PNLIPRP3: variants seen among roughly 807,000 people sequenced by gnomAD.
The protein encoded by PNLIPRP3 is pancreatic lipase-related protein 3.
A neutral mutation model predicts 52.8 loss-of-function variants in PNLIPRP3; 58 were observed. The observed-to-expected ratio is 1.10, with a 90% CI of 0.89 to 1.37. The LOEUF (loss-of-function observed/expected upper bound fraction) is 1.37, where lower values mean the gene tolerates loss of function less well. Ranked by LOEUF, PNLIPRP3 falls within the 40% of genes most tolerant of loss-of-function variation. The pLI is 0.00. For missense variants in PNLIPRP3, 593 were observed against 561.6 expected (o/e 1.06, Z -0.57); for synonymous variants, 192 against 185.0 (o/e 1.04, Z -0.31).
chr10:116,471,328 T>C (rs1419018789), intron 9 of PNLIPRP3, among the ~76,000 whole-genome samples: 1 of 152,178 alleles, frequency 6.6e-6, no homozygotes, highest in Admixed American at 6.5e-5. Flanking sequence ...TAAATGATTA[T>C]AAAAGCATAC....
chr10:116,455,838 T>C lies in PNLIPRP3; in HGVS notation c.565+8T>C, dbSNP rs1268819714. 1.2e-6 allele frequency: 2 copies of C among 1,600,038 alleles called. No individual in the cohort carries two copies. Among genetic ancestry groups the C allele is most frequent in the East Asian group, 2.2e-5 (1 of 44,842 alleles). On this transcript the variant is annotated splice_region_variant and intron_variant, in intron 5 of 11. Transcript: ENST00000369230. ...GCCTTGGAAGAATAACTGGTAAGCA[T>C]GCCCTGCAGTTGGGCCTTGAGTGTG...
chr10:116,472,407 T>G (rs897269768), intron 10 of PNLIPRP3, among the ~76,000 whole-genome samples: 33 of 152,352 alleles, frequency 2.2e-4, no homozygotes, highest in African/African-American at 7.5e-4. Context: ...ATCTTTTATT[T>G]GTTCAGCCTT....
At chr10:116,455,611 T>C (rs1219451386) in intron 4 of PNLIPRP3, 111 bp from the exon 5 acceptor site, 2 of 749,016 alleles carry the variant, frequency 2.7e-6, no homozygotes, top group East Asian at 2.7e-5. Context: ...CCCTGTCTTA[T>C]GTGCAAAAGG....
chr10:116,456,802 C>G (rs1382457363), intron 5 of PNLIPRP3, among the ~76,000 whole-genome samples: 5 of 152,212 alleles, frequency 3.3e-5, no homozygotes, highest in Admixed American at 3.3e-4. Context: ...AGTAAGCAAG[C>G]CCCACGTCTC....
chr10:116,465,603 A>G (rs1846268821), intron 7 of PNLIPRP3, among the ~76,000 whole-genome samples: 1 of 152,174 alleles, frequency 6.6e-6, no homozygotes, highest in Non-Finnish European at 1.5e-5. Flanking sequence ...AACGTTGTTC[A>G]GGAAAGACCA....
At chr10:116,445,510 G>T (rs1020144096) in intron 4 of PNLIPRP3, among the ~76,000 whole-genome samples, 1 of 150,806 alleles carries the variant, frequency 6.6e-6, no homozygotes, top group Non-Finnish European at 1.5e-5. Flanking sequence ...GATCTTTAGA[G>T]AAAGTCTTTG....
chr10:116,470,806 C>T (rs939444590), intron 9 of PNLIPRP3, among the ~76,000 whole-genome samples: 3 of 152,164 alleles, frequency 2.0e-5, no homozygotes, highest in African/African-American at 7.2e-5. Flanking sequence ...CCGAGCCCGG[C>T]CCACACCAAA....
At chr10:116,458,022 C>A (rs1243851291) in intron 5 of PNLIPRP3, among the ~76,000 whole-genome samples, 4 of 151,972 alleles carry the variant, frequency 2.6e-5, no homozygotes, top group Non-Finnish European at 5.9e-5. Context: ...CAGATTTTAG[C>A]TGTATAATTA....
chr10:116,466,059 C>A lies in PNLIPRP3; in HGVS notation c.818C>A (p.Ser273Tyr), dbSNP rs144087426. Reference sequence around the variant, plus strand: ...GGAATTGTTTTCACAGAAATGGCTTCCTTCTTTGACTGTAACCATGCCCGA... The same window carrying A: ...GGAATTGTTTTCACAGAAATGGCTTACTTCTTTGACTGTAACCATGCCCGA... The part of the protein sequence containing the change: ...NFNAYKKEMA[S>Y]FFDCNHARSY... The change falls in exon 8 of 12, where the codon TCC becomes TAC. Residue 273 changes from serine to tyrosine, a missense_variant. Coordinates refer to ENST00000369230, the MANE Select transcript of PNLIPRP3 (RefSeq NM_001011709.3). The A allele has an allele frequency of 2.1e-3, 3,393 of 1,612,212 alleles. 4 individuals are homozygous for A. The highest frequency in any genetic ancestry group is 6.3e-3 in the Middle Eastern group (38 of 6,056).
rs1357602674 is a variant in PNLIPRP3, at chr10:116,444,449, T to C, written c.392T>C (p.Ile131Thr). ...TGGATCAACGGTTCACGGGAATACA[T>C]CCATGCTGTAAACAATCTCCGTGTT... ...LDWINGSREYIHAVNNLRVVG... is the reference protein window; with the variant it reads ...LDWINGSREYTHAVNNLRVVG... The change falls in exon 4 of 12, where the codon ATC (isoleucine) becomes ACC (threonine). Residue 131 changes from isoleucine (I) to threonine (T), a missense_variant. Transcript: ENST00000369230. 3.1e-6 allele frequency: 5 copies of C among 1,613,330 alleles called. No homozygotes were observed. The highest frequency in any genetic ancestry group is 8.5e-7 in the Non-Finnish European group (1 of 1,179,412).
At chr10:116,456,657 A>G (rs1846118774) in intron 5 of PNLIPRP3, among the ~76,000 whole-genome samples, 1 of 152,190 alleles carries the variant, frequency 6.6e-6, no homozygotes, top group Admixed American at 6.5e-5. Flanking sequence ...GTTTGGGGGT[A>G]TAATAATTAA....
At chr10:116,436,302 A>G (rs749339389) in intron 1 of PNLIPRP3, among the ~76,000 whole-genome samples, 2 of 152,230 alleles carry the variant, frequency 1.3e-5, no homozygotes, top group Non-Finnish European at 2.9e-5. Context: ...TCCACATACA[A>G]AAGAATGAAA....
chr10:116,431,768 T>G (rs1589973465), intron 1 of PNLIPRP3, among the ~76,000 whole-genome samples: 1 of 152,268 alleles, frequency 6.6e-6, no homozygotes, highest in South Asian at 2.1e-4. Flanking sequence ...GAGCTATGTC[T>G]TCTCCCTGTC....
At chr10:116,475,326 T>C (rs1846446031) in intron 10 of PNLIPRP3, among the ~76,000 whole-genome samples, 1 of 152,150 alleles carries the variant, frequency 6.6e-6, no homozygotes, top group Non-Finnish European at 1.5e-5. Context: ...GAAAAATAAC[T>C]AATGGGTACT....
In PNLIPRP3 at chr10:116,461,060, T is replaced by A. The variant is rs774605588; in HGVS notation, c.660T>A (p.Asn220Lys). ...DANFVDVIHT[N>K]AARILFELGV... The stretch of plus-strand genomic sequence containing the variant: ...ACTTTGTTGACGTTATTCATACAAA[T>A]GCAGCTCGCATCCTCTTTGAGCTTG... Residue 220 changes from asparagine to lysine, a missense_variant, in exon 6 of 12, where the codon AAT (asparagine) becomes AAA (lysine). Physicochemically the swap from Asn to Lys is moderately conservative, Grantham distance 94 (BLOSUM62 0). Transcript: ENST00000369230. 3.8e-5 allele frequency: 61 copies of A among 1,614,098 alleles called. No individual in the cohort carries two copies. Among genetic ancestry groups the A allele is most frequent in the East Asian group, 3.1e-4 (14 of 44,890 alleles).
At chr10:116,465,986 G>C (rs1846276449) in intron 7 of PNLIPRP3, 64 bp from the exon 8 acceptor site, 6 of 1,200,802 alleles carry the variant, frequency 5.0e-6, no homozygotes, top group Non-Finnish European at 6.2e-6. Flanking sequence ...CTGTTTCTAA[G>C]ATATGGTTTA....
intron 7 of PNLIPRP3, among the ~76,000 whole-genome samples, chr10:116,465,692 G>T (rs1846270358): frequency 6.6e-6 from 1 of 152,174 alleles, no homozygotes; most frequent in Non-Finnish European, 1.5e-5. Flanking sequence ...GCTTCACACT[G>T]TTTTTGGCTT....
At chr10:116,438,807 A>C (rs187759713) in intron 2 of PNLIPRP3, among the ~76,000 whole-genome samples, 1 of 152,328 alleles carries the variant, frequency 6.6e-6, no homozygotes, top group East Asian at 1.9e-4. Context: ...CAAGGAAAAA[A>C]GTTCTTACTA....
chr10:116,465,941 C>A, intron 7 of PNLIPRP3, 109 bp from the exon 8 acceptor site: 1 of 786,802 alleles, frequency 1.3e-6, no homozygotes, highest in Non-Finnish European at 2.2e-6. Flanking sequence ...AAAGGTCTGG[C>A]CCTCCCAACT....
Sources: allele counts gnomAD v4.1 joint callset (sites outside exome capture counted in the v4.1 genomes callset), GRCh38; gene constraint gnomAD v4.1.1; transcripts MANE v1.5; gene names NCBI Gene and HGNC (gene_info 2026-07-23, HGNC 2026-07-21).